Variants in PCCA observed in about 807,000 individuals in gnomAD.
The protein encoded by PCCA is propionyl-CoA carboxylase alpha chain, mitochondrial.
A neutral mutation model predicts 101.3 loss-of-function variants in PCCA; 74 were observed. The ratio of observed to expected loss-of-function variants is 0.73; its 90% CI spans 0.61 to 0.89. The LOEUF (loss-of-function observed/expected upper bound fraction) is 0.89, where lower values mean the gene tolerates loss of function less well. PCCA is among the 40% of genes least tolerant of loss of function. The pLI is 0.00. For missense variants in PCCA, 891 were observed against 907.0 expected, an observed-to-expected ratio of 0.98 and a Z score of 0.23; for synonymous variants, 294 against 313.6, an observed-to-expected ratio of 0.94 and a Z score of 0.66.
intron 22 of PCCA, among the ~76,000 whole-genome samples, chr13:100,523,815 C>A (rs2087497842): frequency 6.6e-6 from 1 of 152,192 alleles, no homozygotes; most frequent in Admixed American, 6.5e-5. Context: ...GGCTTGTGAC[C>A]ATTTTGTAAG....
At chr13:100,200,096 T>C (rs2058377316) in intron 6 of PCCA, among the ~76,000 whole-genome samples, 2 of 152,150 alleles carry the variant, frequency 1.3e-5, no homozygotes, top group South Asian at 4.1e-4. Flanking sequence ...CAACTCTTTA[T>C]TTTTATTTAT....
intron 4 of PCCA, among the ~76,000 whole-genome samples, chr13:100,126,955 T>C (rs2050015568): frequency 6.6e-6 from 1 of 152,202 alleles, no homozygotes; most frequent in Non-Finnish European, 1.5e-5. Context: ...TCAGTATTAG[T>C]GGTCAGCAGC....
intron 4 of PCCA, 142 bp from the exon 5 acceptor site, chr13:100,154,837 C>CT: frequency 1.4e-6 from 1 of 692,462 alleles, no homozygotes; most frequent in East Asian, 2.6e-5. Flanking sequence ...TGCATTGTTG[C>CT]TTTTTAGTGC....
At chr13:100,527,616 C>G (rs1594160129) in intron 22 of PCCA, 59 bp from the exon 23 acceptor site, 1 of 1,169,752 alleles carries the variant, frequency 8.5e-7, no homozygotes, top group East Asian at 2.3e-5. Context: ...GGCTTCATTC[C>G]TAAGTGTTAA....
Position 100,527,669 on chromosome 13 carries a change from T to C in PCCA, c.2041-6T>C. The C allele has an allele frequency of 6.2e-7, 1 of 1,609,478 alleles. No homozygotes were observed. The highest frequency in any genetic ancestry group is 8.5e-7 in the Non-Finnish European group (1 of 1,175,722). On this transcript the variant is annotated splice_polypyrimidine_tract_variant and splice_region_variant and intron_variant, in intron 22 of 23. Coordinates refer to ENST00000376285, the MANE Select transcript of PCCA (RefSeq NM_000282.4). Reference sequence around the variant, plus strand: ...TTTAAAACTTCTGCCCATTTTTGTTTTCCAGGTAGCAGAAGGTCAAGAAAT... The same window carrying C: ...TTTAAAACTTCTGCCCATTTTTGTTCTCCAGGTAGCAGAAGGTCAAGAAAT...
chr13:100,504,968 G>A (rs1201774170), intron 21 of PCCA, among the ~76,000 whole-genome samples: 3 of 152,056 alleles, frequency 2.0e-5, no homozygotes, highest in African/African-American at 7.2e-5. Flanking sequence ...TTCCACAGAA[G>A]CAGGCACTGT....
rs562032860 is a variant in PCCA at position 100,373,982 on chromosome 13, C to T, written c.1746+5408C>T. 3.4e-4 allele frequency among the ~76,000 whole-genome samples: 51 copies of T among 152,040 alleles called. No individual in the cohort carries two copies. In the South Asian group the frequency reaches 6.9e-3, roughly 20 times the overall value. Reference sequence around the variant, plus strand: ...CAAAAATTAGCCAAGTGTGGTAGCACGCGCCTGTAATCCCAGCTACTTGAG... The same window carrying T: ...CAAAAATTAGCCAAGTGTGGTAGCATGCGCCTGTAATCCCAGCTACTTGAG... On this transcript the variant is annotated intron_variant, in intron 19 of 23. Coordinates refer to ENST00000376285, the MANE Select transcript of PCCA (RefSeq NM_000282.4).
At chr13:100,335,111 C>T (rs971579287) in intron 17 of PCCA, among the ~76,000 whole-genome samples, 87 of 152,260 alleles carry the variant, frequency 5.7e-4, no homozygotes, top group South Asian at 2.1e-4. Flanking sequence ...AAGAATTTGA[C>T]TCAAGAGTAC....
At chr13:100,268,470 T>G in intron 10 of PCCA, 1 of 604,878 alleles carries the variant, frequency 1.7e-6, no homozygotes, top group Admixed American at 2.6e-5. Context: ...ATGAACACTT[T>G]TTCCTCAAAT....
chr13:100,511,141 G>A (rs192509467), intron 21 of PCCA, among the ~76,000 whole-genome samples: 2 of 152,348 alleles, frequency 1.3e-5, no homozygotes, highest in Admixed American at 6.5e-5. Context: ...AGAGTAGAAC[G>A]TGGTTGAATT....
At chr13:100,525,018 TA>T (rs1566511305) in intron 22 of PCCA, among the ~76,000 whole-genome samples, 1 of 142,142 alleles carries the variant, frequency 7.0e-6, no homozygotes, top group Non-Finnish European at 1.6e-5. Context: ...GATAGATAGA[TA>T]GATAGATAGA....
intron 19 of PCCA, among the ~76,000 whole-genome samples, chr13:100,406,109 AG>A: frequency 6.6e-6 from 1 of 152,208 alleles, no homozygotes; most frequent in South Asian, 2.1e-4. Context: ...AACCCTTTAC[AG>A]GGACTGCGTA....
At chr13:100,215,577 G>GGGTA (rs1435020866) in intron 7 of PCCA, among the ~76,000 whole-genome samples, 1 of 151,970 alleles carries the variant, frequency 6.6e-6, no homozygotes, top group Non-Finnish European at 1.5e-5. Flanking sequence ...ATATGAAATG[G>GGGTA]GGTAGTGTTT....
chr13:100,432,284 C>T (rs2079613764), intron 20 of PCCA, among the ~76,000 whole-genome samples: 1 of 152,184 alleles, frequency 6.6e-6, no homozygotes, highest in Non-Finnish European at 1.5e-5. Flanking sequence ...TCTTTAAAAG[C>T]GGTTTCTGTG....
chr13:100,092,649 T>G (rs113824092), intron 1 of PCCA, among the ~76,000 whole-genome samples: 4 of 152,308 alleles, frequency 2.6e-5, no homozygotes, highest in African/African-American at 9.6e-5. Flanking sequence ...CCACCTCAGC[T>G]TGCTTTTCTA....
chr13:100,401,964 T>C (rs769924175), intron 19 of PCCA, among the ~76,000 whole-genome samples: 49 of 152,206 alleles, frequency 3.2e-4, no homozygotes, highest in Non-Finnish European at 5.4e-4. Flanking sequence ...CTTTTCTTAT[T>C]GCCTGCCTTT....
At chr13:100,150,742 A>T in intron 4 of PCCA, 1 of 1,588,162 alleles carries the variant, frequency 6.3e-7, no homozygotes, top group Non-Finnish European at 8.6e-7. Context: ...CAACCCAGTA[A>T]GAATTCAGGA....
intron 20 of PCCA, among the ~76,000 whole-genome samples, chr13:100,434,807 A>G (rs748781380): frequency 7.9e-5 from 12 of 152,252 alleles, no homozygotes; most frequent in Non-Finnish European, 1.6e-4. Context: ...ATTCGCATGA[A>G]TAAGTGATTC....
In PCCA at chr13:100,268,790, C is replaced by G; in HGVS notation, c.914+7C>G. ...TGGTGGAGGAAGCACCAAGGTAAGTCTCCTAAGAAACATTTATAAAGCGGC... is the reference window on the plus strand; with the variant it reads ...TGGTGGAGGAAGCACCAAGGTAAGTGTCCTAAGAAACATTTATAAAGCGGC... On this transcript the variant is annotated splice_region_variant and intron_variant, in intron 11 of 23. Transcript: ENST00000376285. 1 of 1,601,146 alleles carries G rather than the reference C, an allele frequency of 6.2e-7. No individual in the cohort carries two copies. The highest frequency in any genetic ancestry group is 1.1e-5 in the South Asian group (1 of 90,794).
Sources: gnomAD v4.1 joint callset for allele counts (sites outside exome capture counted in the v4.1 genomes callset) on GRCh38, gnomAD v4.1.1 for gene constraint, MANE v1.5 for transcripts, NCBI Gene and HGNC (gene_info 2026-07-23, HGNC 2026-07-21) for gene names.